TOGARAM2: variants seen among roughly 807,000 people sequenced by gnomAD.
TOGARAM2 encodes TOG array regulator of axonemal microtubules 2.
TOGARAM2 carries 85 observed loss-of-function variants against 93.3 expected under a neutral mutation model. That is an observed-to-expected ratio of 0.91 (90% CI 0.76 to 1.09). The LOEUF (loss-of-function observed/expected upper bound fraction) is 1.09. Ranked by LOEUF, TOGARAM2 falls within the 50% of genes least tolerant of loss-of-function variation. The pLI is 0.00. For missense variants in TOGARAM2, 1,277 were observed against 1,334.5 expected (o/e 0.96, Z 0.67); for synonymous variants, 593 against 552.8 (o/e 1.07, Z -1.02).
intron 18 of TOGARAM2, among the ~76,000 whole-genome samples, chr2:29,037,167 C>A (rs114254939): frequency 7.5e-4 from 114 of 152,114 alleles, no homozygotes; most frequent in African/African-American, 2.7e-3. Flanking sequence ...GAAGAAAAAA[C>A]GGTGGGAGCT....
At chr2:29,009,178 A>G (rs1259759720) in intron 6 of TOGARAM2, among the ~76,000 whole-genome samples, 2 of 152,182 alleles carry the variant, frequency 1.3e-5, no homozygotes, top group African/African-American at 2.4e-5. Flanking sequence ...TGCCAGGCAG[A>G]CTTCTCAGGG....
chr2:28,973,058 G>A (rs867531741), intron 1 of TOGARAM2, among the ~76,000 whole-genome samples: 15 of 152,220 alleles, frequency 9.9e-5, no homozygotes, highest in Middle Eastern at 3.4e-3. Flanking sequence ...TTTTGTCTTC[G>A]CTGTTGCTCA....
chr2:28,999,885 C>G (rs955557268), intron 4 of TOGARAM2, among the ~76,000 whole-genome samples: 2 of 152,228 alleles, frequency 1.3e-5, no homozygotes, highest in African/African-American at 4.8e-5. Context: ...CCTTCGGTCT[C>G]TGCTGTCCAG....
chr2:29,047,906 C>T (rs565466962), intron 19 of TOGARAM2: 2 of 151,964 alleles, frequency 1.3e-5, no homozygotes, highest in East Asian at 1.9e-4. Context: ...CAGGTAGAGC[C>T]CCCCCAGCCT....
intron 6 of TOGARAM2, among the ~76,000 whole-genome samples, chr2:29,004,421 A>G (rs1388984818): frequency 6.6e-6 from 1 of 152,238 alleles, no homozygotes; most frequent in Non-Finnish European, 1.5e-5. Context: ...TGGACTTGAA[A>G]AGGGGTCTTC....
intron 2 of TOGARAM2, among the ~76,000 whole-genome samples, chr2:28,997,842 G>A (rs1327882401): frequency 6.6e-6 from 1 of 152,208 alleles, no homozygotes; most frequent in Non-Finnish European, 1.5e-5. Context: ...GGGTGCCCAT[G>A]AAGGAGATGA....
chr2:28,989,345 C>T (rs994065995), intron 1 of TOGARAM2, among the ~76,000 whole-genome samples: 1 of 151,340 alleles, frequency 6.6e-6, no homozygotes, highest in African/African-American at 2.4e-5. Context: ...GCCGCCATAC[C>T]GGGCCCGCTT....
intron 18 of TOGARAM2, among the ~76,000 whole-genome samples, chr2:29,042,263 CTG>C (rs1225904011): frequency 1.3e-5 from 2 of 152,262 alleles, no homozygotes; most frequent in Non-Finnish European, 2.9e-5. Context: ...CCCAGGCACA[CTG>C]TGTCTTGTTT....
intron 18 of TOGARAM2, among the ~76,000 whole-genome samples, chr2:29,037,548 A>T (rs1351819839): frequency 6.6e-6 from 1 of 152,030 alleles, no homozygotes; most frequent in Non-Finnish European, 1.5e-5. Flanking sequence ...GAGAGGCTGG[A>T]CACCCCTCCT....
rs1371616460 is a variant in TOGARAM2 at position 29,014,497 on chromosome 2, T to G, written c.980T>G (p.Phe327Cys). The change falls in exon 8 of 20, where the codon TTT becomes TGT. Residue 327 changes from phenylalanine (F) to cysteine (C), a missense_variant. Coordinates refer to ENST00000379558, the MANE Select transcript of TOGARAM2 (RefSeq NM_199280.4). ...QSAPTLTAFSFDCAREACPPL... is the reference protein window; with the variant it reads ...QSAPTLTAFSCDCAREACPPL... ...GCTCCCACGCTGACAGCCTTCTCCTTTGACTGTGCCAGAGAAGCCTGCCCT... is the reference window on the plus strand; with the variant it reads ...GCTCCCACGCTGACAGCCTTCTCCTGTGACTGTGCCAGAGAAGCCTGCCCT... 1.9e-6 allele frequency: 3 copies of G among 1,585,932 alleles called. No homozygotes were observed. Among genetic ancestry groups the G allele is most frequent in the African/African-American group, 1.3e-5 (1 of 74,176 alleles).
At chr2:28,979,169 G>C (rs1672077567), upstream of TOGARAM2, among the ~76,000 whole-genome samples, 2 of 152,218 alleles carry the variant, frequency 1.3e-5, no homozygotes, top group Admixed American at 6.5e-5. Context: ...GAGGCCCGGG[G>C]CTCAGGTTGT....
chr2:28,964,145 T>A (rs1275848098), intron 1 of TOGARAM2, among the ~76,000 whole-genome samples: 2 of 152,236 alleles, frequency 1.3e-5, no homozygotes, highest in African/African-American at 4.8e-5. Flanking sequence ...AATAGGCCTA[T>A]TAAAGTATTC....
At chr2:29,009,168 T>C (rs1048571464) in intron 6 of TOGARAM2, among the ~76,000 whole-genome samples, 27 of 152,198 alleles carry the variant, frequency 1.8e-4, no homozygotes, top group Non-Finnish European at 3.8e-4. Flanking sequence ...ATCTGAATCA[T>C]GCCAGGCAGA....
rs1417140424 is a variant in TOGARAM2, at chr2:29,014,477, C to T, written c.960C>T (p.Pro320=). 3.1e-6 allele frequency: 5 copies of T among 1,597,250 alleles called. No individual in the cohort carries two copies. The highest frequency in any genetic ancestry group is 2.3e-5 in the South Asian group (2 of 87,736). ...KPALPFSQSA[P]TLTAFSFDCA... The stretch of plus-strand genomic sequence containing the variant: ...CCCTGCCTTTTTCTCAGTCTGCTCC[C>T]ACGCTGACAGCCTTCTCCTTTGACT... The change falls in exon 8 of 20, where the codon CCC becomes CCT. Residue 320 remains proline, a synonymous_variant. Coordinates refer to ENST00000379558, the MANE Select transcript of TOGARAM2 (RefSeq NM_199280.4).
intron 1 of TOGARAM2, among the ~76,000 whole-genome samples, chr2:28,959,529 G>A (rs373354629): frequency 1.3e-5 from 2 of 152,124 alleles, no homozygotes; most frequent in South Asian, 2.1e-4. Flanking sequence ...CGAGGGGGGC[G>A]GATCACAAGG....
intron 13 of TOGARAM2, among the ~76,000 whole-genome samples, chr2:29,025,965 CA>C (rs1456393150): frequency 2.6e-5 from 4 of 152,112 alleles, no homozygotes; most frequent in Non-Finnish European, 4.4e-5. Flanking sequence ...AGGGAAGCAC[CA>C]GGGGCCTGGG....
intron 1 of TOGARAM2, among the ~76,000 whole-genome samples, chr2:28,964,251 T>G (rs893677222): frequency 6.6e-6 from 1 of 152,250 alleles, no homozygotes; most frequent in African/African-American, 2.4e-5. Context: ...CATTTAAGAC[T>G]GTTACATCTT....
chr2:29,036,543 C>A lies in TOGARAM2; in HGVS notation c.2421C>A (p.Val807=). The change falls in exon 18 of 20, where the codon GTC becomes GTA. Residue 807 remains valine (V), a splice_region_variant and synonymous_variant. Transcript: ENST00000379558. Reference sequence around the variant, plus strand: ...CTTGGTTTCTGTTTCTTCAATAGGTCTTTGATGCTTTCACCCCAAGGCTTC... The same window carrying A: ...CTTGGTTTCTGTTTCTTCAATAGGTATTTGATGCTTTCACCCCAAGGCTTC... ...TELVTAHLVQ[V]FDAFTPRLQD... is the part of the protein sequence containing the mutation. 1.2e-6 allele frequency: 2 copies of A among 1,613,938 alleles called. No individual in the cohort carries two copies. The highest frequency in any genetic ancestry group is 1.7e-6 in the Non-Finnish European group (2 of 1,179,890).
intron 6 of TOGARAM2, among the ~76,000 whole-genome samples, chr2:29,009,194 T>A (rs1664068961): frequency 6.6e-6 from 1 of 152,080 alleles, no homozygotes; most frequent in African/African-American, 2.4e-5. Flanking sequence ...CAGGGCAGGA[T>A]GAGGGCACAC....
Sources: gnomAD v4.1 joint callset for allele counts (sites outside exome capture counted in the v4.1 genomes callset) on GRCh38, gnomAD v4.1.1 for gene constraint, MANE v1.5 for transcripts, NCBI Gene and HGNC (gene_info 2026-07-23, HGNC 2026-07-21) for gene names.